COL28A1: variants seen among roughly 807,000 people sequenced by gnomAD.
The protein encoded by COL28A1 is collagen alpha-1(XXVIII) chain.
A neutral mutation model predicts 150.2 loss-of-function variants in COL28A1; 161 were observed. The ratio of observed to expected loss-of-function variants is 1.07; its 90% CI spans 0.94 to 1.22. The LOEUF (loss-of-function observed/expected upper bound fraction) is 1.22. Among genes scored for constraint, COL28A1 ranks in the 50% most tolerant of loss-of-function variants. The probability of loss-of-function intolerance (pLI) is 0.00; values close to 1 mark genes in which losing one functional copy is unlikely to be tolerated. For missense variants in COL28A1, 1,617 were observed against 1,388.3 expected, an observed-to-expected ratio of 1.16 and a Z score of -2.62; for synonymous variants, 552 against 469.7, an observed-to-expected ratio of 1.18 and a Z score of -2.26.
intron 15 of COL28A1, among the ~76,000 whole-genome samples, chr7:7,456,681 T>C (rs1462188851): frequency 6.6e-6 from 1 of 152,184 alleles, no homozygotes. Flanking sequence ...TCTGTGTCTT[T>C]ATACAGGTGT....
In COL28A1 at chr7:7,452,323, G is replaced by A. The variant is rs749768898; in HGVS notation, c.1505C>T (p.Pro502Leu). Residue 502 changes from proline to leucine, a missense_variant, in exon 18 of 35, where the codon CCA becomes CTA. Pro to Leu is a moderately conservative substitution (Grantham distance 98, BLOSUM62 -3). Coordinates refer to ENST00000399429, the MANE Select transcript of COL28A1 (RefSeq NM_001037763.3). Reference protein sequence around the residue: ...RGPVGIGVQGPKGEPGSIGLP... With the variant: ...RGPVGIGVQGLKGEPGSIGLP... ...TCTGAGCAGCAGTCAACTCACCTTT[G>A]GACCTTGTACTCCAATTCCCACTGG... 2 of 1,604,298 alleles carry A rather than the reference G, an allele frequency of 1.2e-6. No individual in the cohort carries two copies. The highest frequency in any genetic ancestry group is 2.3e-5 in the South Asian group (2 of 88,710).
chr7:7,491,242 T>C (rs1434671267), intron 11 of COL28A1, among the ~76,000 whole-genome samples: 2 of 152,194 alleles, frequency 1.3e-5, no homozygotes, highest in Non-Finnish European at 2.9e-5. Context: ...GGGAATCTCC[T>C]TTCCCTTTGT....
At chr7:7,415,236 C>A (rs1784002654) in intron 27 of COL28A1, among the ~76,000 whole-genome samples, 1 of 152,208 alleles carries the variant, frequency 6.6e-6, no homozygotes, top group South Asian at 2.1e-4. Flanking sequence ...GCACACACAC[C>A]TGCAAGCAGA....
chr7:7,441,659 G>A (rs1357077844), intron 20 of COL28A1, among the ~76,000 whole-genome samples: 2 of 152,134 alleles, frequency 1.3e-5, no homozygotes, highest in African/African-American at 4.8e-5. Context: ...AGATTGCTGG[G>A]CCCTCCACCC....
chr7:7,373,395 T>C lies in COL28A1; in HGVS notation c.2511A>G (p.Ile837Met). The part of the protein sequence containing the change: ...RVALDLATAR[I>M]GIINYSHKVE... ...CCTTATGGCTATAGTTGATTATGCC[T>C]ATGCGGGCCGTGGCAAGGTCCAGAG... is the stretch of plus-strand genomic sequence containing the variant. The change falls in exon 32 of 35, where the codon ATA becomes ATG. Residue 837 changes from isoleucine (I) to methionine (M), a missense_variant. Ile to Met is a conservative substitution (Grantham distance 10). Transcript: ENST00000399429. The surrounding 1 kb of genome is among the most constrained non-coding windows in gnomAD (Gnocchi z 4.1). 2 of 1,614,198 alleles carry C rather than the reference T, an allele frequency of 1.2e-6. No homozygotes were observed. Among genetic ancestry groups the C allele is most frequent in the Non-Finnish European group, 1.7e-6 (2 of 1,180,046 alleles).
At chr7:7,503,461 T>C (rs1212744846) in intron 11 of COL28A1, among the ~76,000 whole-genome samples, 2 of 152,200 alleles carry the variant, frequency 1.3e-5, no homozygotes, top group Non-Finnish European at 2.9e-5. Flanking sequence ...AATTACTGAA[T>C]TTTAGAGGGT....
chr7:7,376,487 G>T (rs1209822176), intron 30 of COL28A1, among the ~76,000 whole-genome samples: 1 of 152,038 alleles, frequency 6.6e-6, no homozygotes, highest in Non-Finnish European at 1.5e-5. Flanking sequence ...TATTTAAAAA[G>T]AACATCTACT....
At position 7,381,622 on chromosome 7, in the gene COL28A1, A is replaced by T; in HGVS notation, c.2137-10T>A. 1.9e-6 allele frequency: 3 copies of T among 1,608,114 alleles called. No homozygotes were observed. Among genetic ancestry groups the T allele is most frequent in the Non-Finnish European group, 2.6e-6 (3 of 1,174,564 alleles). On this transcript the variant is annotated splice_polypyrimidine_tract_variant and intron_variant, in intron 27 of 34. Transcript: ENST00000399429. ...GTGGTCCTTGTTCCCCCTACATAGG[A>T]TATGAGAAAGAGATGTTCTATTAAT...
intron 23 of COL28A1, 86 bp from the exon 24 acceptor site, chr7:7,432,786 C>A: frequency 7.2e-6 from 7 of 975,044 alleles, no homozygotes; most frequent in Non-Finnish European, 1.2e-5. Flanking sequence ...ACTCAATATG[C>A]CAACGGTCGA....
At chr7:7,533,774 G>C (rs1978189) in intron 1 of COL28A1, among the ~76,000 whole-genome samples, 140,965 of 152,256 alleles carry the variant, frequency 0.93, 65,456 homozygotes, top group East Asian at 1. Context: ...CTCTTAAACT[G>C]ACAGATTTCC....
Position 7,380,715 on chromosome 7 carries a change from TAA to T in COL28A1, c.2287-22_2287-21del. 6.2e-7 allele frequency: 1 copy of T among 1,613,320 alleles called. No homozygotes were observed. The highest frequency in any genetic ancestry group is 2.2e-5 in the East Asian group (1 of 44,836). ...TAAACCCTACTTAGTGGAAGAAGAG[TAA>T]AAGTCAATATAGGTTGGAACCAGTT... On this transcript the variant is annotated intron_variant, in intron 29 of 34. Coordinates refer to ENST00000399429, the MANE Select transcript of COL28A1 (RefSeq NM_001037763.3).
Position 7,432,522 on chromosome 7 carries a change from C to G in COL28A1, c.1949G>C (p.Gly650Ala), listed in dbSNP as rs1266251920. 1 of 1,614,060 alleles carries G rather than the reference C, an allele frequency of 6.2e-7. No homozygotes were observed. Among genetic ancestry groups the G allele is most frequent in the East Asian group, 2.2e-5 (1 of 44,870 alleles). Residue 650 changes from glycine (G) to alanine (A), a missense_variant, in exon 25 of 35, where the codon GGA becomes GCA. Coordinates refer to ENST00000399429, the MANE Select transcript of COL28A1 (RefSeq NM_001037763.3). ...ACGTAAACCCATCGGCCCAGGGGGT[C>G]CTGGTAATCCACGAGGTCCCTGAGA... Reference protein sequence around the residue: ...PGVPGPRGLPGPPGPMGLRGV... With the variant: ...PGVPGPRGLPAPPGPMGLRGV...
intron 27 of COL28A1, among the ~76,000 whole-genome samples, chr7:7,396,552 T>C (rs1374595682): frequency 1.3e-5 from 2 of 152,326 alleles, no homozygotes; most frequent in Non-Finnish European, 2.9e-5. Flanking sequence ...TAATGTCCCA[T>C]ATAGATATGT....
Position 7,432,612 on chromosome 7 carries a change from G to GA in COL28A1, c.1929+19dup. 2.5e-6 allele frequency: 4 copies of GA among 1,613,182 alleles called. No homozygotes were observed. The highest frequency in any genetic ancestry group is 3.4e-6 in the Non-Finnish European group (4 of 1,179,334). On this transcript the variant is annotated intron_variant, in intron 24 of 34. Transcript: ENST00000399429. Reference sequence around the variant, plus strand: ...CAACACTCAAAAAGGAGGGAGGGAAGAAAAAAATGTCCCACTTACAGGCAC... The same window carrying GA: ...CAACACTCAAAAAGGAGGGAGGGAAGAAAAAAAATGTCCCACTTACAGGCAC...
chr7:7,421,190 T>C (rs1784376466), intron 25 of COL28A1, among the ~76,000 whole-genome samples: 1 of 152,118 alleles, frequency 6.6e-6, no homozygotes, highest in Non-Finnish European at 1.5e-5. Context: ...CTCAAAAACA[T>C]TATTACTGAT....
At chr7:7,348,935 G>A in the COL28A1 span, among the ~76,000 whole-genome samples, 1 of 151,782 alleles carries the variant, frequency 6.6e-6, no homozygotes, top group Non-Finnish European at 1.5e-5. Context: ...TTTTAGAGAT[G>A]GCATCCCACT....
At chr7:7,438,681 CAT>C (rs1785528640) in intron 21 of COL28A1, among the ~76,000 whole-genome samples, 1 of 102,216 alleles carries the variant, frequency 9.8e-6, no homozygotes, top group Non-Finnish European at 1.9e-5. Flanking sequence ...AAATTCATAA[CAT>C]ATTAGTATGA....
rs547448604 is a variant in COL28A1 at position 7,370,353 on chromosome 7, C to T, written c.3066+372G>A. 1.8e-4 allele frequency among the ~76,000 whole-genome samples: 28 copies of T among 152,120 alleles called. 1 individual carries two copies. In the South Asian group the frequency reaches 4.2e-3, roughly 23 times the overall value. ...ACAAAGTGGGAAGCAGATGCACAGA[C>T]GAAGAGGGAGAGTTGTGGCCTGGTA... On this transcript the variant is annotated intron_variant, in intron 33 of 34. Coordinates refer to ENST00000399429, the MANE Select transcript of COL28A1 (RefSeq NM_001037763.3).
Position 7,373,427 on chromosome 7 carries a change from G to C in COL28A1, c.2479C>G (p.Arg827Gly). ...IKNFVKTMAD[R>G]VALDLATARI... ...GCCGTGGCAAGGTCCAGAGCAACCC[G>C]GTCAGCCATAGTCTTCACAAAATTT... The change falls in exon 32 of 35, where the codon CGG (arginine) becomes GGG (glycine). Residue 827 changes from arginine (R) to glycine (G), a missense_variant. Physicochemically the swap from Arg to Gly is moderately radical, Grantham distance 125 (BLOSUM62 -2). Transcript: ENST00000399429. This position sits in a 1 kb window ranked among gnomAD's most constrained non-coding sequence, Gnocchi z 4.1. 6.2e-7 allele frequency: 1 copy of C among 1,614,084 alleles called. No homozygotes were observed. The highest frequency in any genetic ancestry group is 8.5e-7 in the Non-Finnish European group (1 of 1,180,012).
Sources: gnomAD v4.1 joint callset for allele counts (sites outside exome capture counted in the v4.1 genomes callset) on GRCh38, gnomAD v4.1.1 for gene constraint, Gnocchi (gnomAD v3.1) non-coding constraint, MANE v1.5 for transcripts, NCBI Gene and HGNC (gene_info 2026-07-23, HGNC 2026-07-21) for gene names.